The following CTNNA2 variants were observed in gnomAD, a reference collection of about 807,000 sequenced individuals.
The protein encoded by CTNNA2 is catenin alpha 2, also known as catenin alpha-2.
Under a neutral mutation model 101.0 loss-of-function variants are expected in CTNNA2, and 42 were observed. The ratio of observed to expected loss-of-function variants is 0.42; its 90% CI spans 0.32 to 0.54. CTNNA2 has a LOEUF of 0.54. Ranked by LOEUF, CTNNA2 falls within the 20% of genes least tolerant of loss-of-function variation. The pLI is 0.14. For synonymous variants in CTNNA2, 450 were observed against 456.4 expected, an observed-to-expected ratio of 0.99 and a Z score of 0.18; for missense variants, 871 against 1,223.1, an observed-to-expected ratio of 0.71 and a Z score of 4.29.
intron 1 of CTNNA2, among the ~76,000 whole-genome samples, chr2:79,540,828 A>G (rs1049827033): frequency 2.6e-5 from 4 of 152,166 alleles, no homozygotes; most frequent in Admixed American, 2.6e-4. Context: ...TTTATTTCTG[A>G]GTACTTTGAA....
At chr2:80,071,388 CTAAGTT>C (rs1292957427) in intron 7 of CTNNA2, among the ~76,000 whole-genome samples, 1 of 152,218 alleles carries the variant, frequency 6.6e-6, no homozygotes, top group Non-Finnish European at 1.5e-5. Flanking sequence ...GAAAGCTTCT[CTAAGTT>C]TTTACTTTGA....
chr2:80,442,278 T>G (rs1286607518), intron 9 of CTNNA2, among the ~76,000 whole-genome samples: 1 of 152,160 alleles, frequency 6.6e-6, no homozygotes, highest in Non-Finnish European at 1.5e-5. Context: ...CCCAGTTAAT[T>G]GATGTGTTCT....
At position 79,185,770 on chromosome 2, in the gene CTNNA2, G is replaced by T. The variant is rs369989529; in HGVS notation, c.-524+339G>T. Among the ~76,000 whole-genome samples, 16 of 152,010 alleles carry T rather than the reference G, an allele frequency of 1.1e-4. No individual in the cohort carries two copies. In the East Asian group the frequency reaches 1.7e-3, roughly 17 times the overall value. ...CACTGTTGTTCCCACCAAGAAAACT[G>T]GTCATTTGGGGATGTTAGATTGTGT... On this transcript the variant is annotated intron_variant, in intron 1 of 21. Coordinates refer to the CTNNA2 transcript ENST00000466387.
chr2:80,355,199 C>T (rs1192214659), intron 7 of CTNNA2, among the ~76,000 whole-genome samples: 1 of 152,148 alleles, frequency 6.6e-6, no homozygotes, highest in Admixed American at 6.6e-5. Flanking sequence ...ATATCACTGT[C>T]CAGCCTGGCA....
chr2:80,364,601 G>T (rs1674740247), intron 7 of CTNNA2, among the ~76,000 whole-genome samples: 1 of 137,794 alleles, frequency 7.3e-6, no homozygotes, highest in Non-Finnish European at 1.5e-5. Flanking sequence ...CTTGTCAGTG[G>T]CTCCTAATGA....
chr2:79,993,490 A>G (rs141094798), intron 7 of CTNNA2, among the ~76,000 whole-genome samples: 1 of 152,376 alleles, frequency 6.6e-6, no homozygotes, highest in African/African-American at 2.4e-5. Flanking sequence ...AGATCTCATC[A>G]AAGATGCAGT....
intron 1 of CTNNA2, among the ~76,000 whole-genome samples, chr2:79,584,148 G>C (rs1676320667): frequency 6.6e-6 from 1 of 151,942 alleles, no homozygotes; most frequent in Non-Finnish European, 1.5e-5. Context: ...TTATTTCATT[G>C]GGTGCTACAA....
intron 7 of CTNNA2, among the ~76,000 whole-genome samples, chr2:80,178,264 C>G (rs1705524934): frequency 6.6e-6 from 1 of 152,140 alleles, no homozygotes; most frequent in East Asian, 1.9e-4. Context: ...GCTGTACATT[C>G]CCCCACTTTA....
At chr2:79,240,132 T>C (rs1054093160) in intron 2 of CTNNA2, among the ~76,000 whole-genome samples, 2 of 151,862 alleles carry the variant, frequency 1.3e-5, no homozygotes, top group Non-Finnish European at 2.9e-5. Flanking sequence ...GGTCTCGAAC[T>C]CCCAGCCTCA....
Position 79,714,846 on chromosome 2 carries a change from T to C in CTNNA2, c.103-29541T>C, listed in dbSNP as rs1685968206. ...TAAATTATAAAGGATGTTAATCAACTAGCATGGCATGCATTCTTAGAAGGG... is the reference window on the plus strand; with the variant it reads ...TAAATTATAAAGGATGTTAATCAACCAGCATGGCATGCATTCTTAGAAGGG... On this transcript the variant is annotated intron_variant, in intron 2 of 18. Coordinates refer to ENST00000402739, the MANE Select transcript of CTNNA2 (RefSeq NM_001282597.3). 2.0e-5 allele frequency among the ~76,000 whole-genome samples: 3 copies of C among 152,026 alleles called. No homozygotes were observed. The South Asian group carries it at 6.2e-4, about 32-fold the overall frequency.
chr2:80,493,806 G>A (rs944818468), intron 9 of CTNNA2, among the ~76,000 whole-genome samples: 3 of 152,212 alleles, frequency 2.0e-5, no homozygotes, highest in Non-Finnish European at 4.4e-5. Flanking sequence ...AGAATAGGCT[G>A]ATGAACTTGT....
chr2:79,933,676 A>G (rs1378880214), intron 7 of CTNNA2, among the ~76,000 whole-genome samples: 16 of 152,112 alleles, frequency 1.1e-4, no homozygotes, highest in African/African-American at 3.6e-4. Context: ...GCTGGTCTCG[A>G]ACTCCTGACC....
chr2:79,860,416 C>T (rs1158462510), intron 4 of CTNNA2, among the ~76,000 whole-genome samples: 2 of 152,132 alleles, frequency 1.3e-5, no homozygotes, highest in Admixed American at 6.5e-5. Context: ...TGTGTGGTAC[C>T]AGTTGCCTCC....
chr2:79,230,847 A>G (rs1358475485), intron 2 of CTNNA2, among the ~76,000 whole-genome samples: 2 of 152,224 alleles, frequency 1.3e-5, no homozygotes, highest in African/African-American at 2.4e-5. Context: ...ATGGAGTCAA[A>G]TATCATTTTG....
At chr2:79,308,153 T>A (rs758598119) in intron 2 of CTNNA2, among the ~76,000 whole-genome samples, 11 of 152,322 alleles carry the variant, frequency 7.2e-5, no homozygotes, top group Non-Finnish European at 1.2e-4. Flanking sequence ...CAAGTGATTC[T>A]CCTGCCTCAG....
intron 4 of CTNNA2, among the ~76,000 whole-genome samples, chr2:79,438,489 A>G (rs1678742155): frequency 6.6e-6 from 1 of 152,126 alleles, no homozygotes; most frequent in Non-Finnish European, 1.5e-5. Flanking sequence ...TTTTAATGTC[A>G]TTAGTGGTCT....
In CTNNA2 at chr2:79,220,198, G is replaced by GTATA. The variant is rs1163789835; in HGVS notation, c.-406+22123_-406+22124insATAT. On this transcript the variant is annotated intron_variant, in intron 2 of 21. Transcript: ENST00000466387. The stretch of plus-strand genomic sequence containing the variant: ...TGTGTATATATATATGTGTGTGTGT[G>GTATA]TGTATATATATGTAAATGTATATTG... Among the ~76,000 whole-genome samples the GTATA allele has an allele frequency of 3.7e-3, 558 of 152,130 alleles. 2 individuals are homozygous for GTATA. The highest frequency in any genetic ancestry group is 0.013 in the African/African-American group (545 of 41,482).
At chr2:80,277,200 CT>C (rs1287786307) in intron 7 of CTNNA2, among the ~76,000 whole-genome samples, 1 of 152,068 alleles carries the variant, frequency 6.6e-6, no homozygotes, top group Non-Finnish European at 1.5e-5. Flanking sequence ...GGGTGAAAAG[CT>C]TTTCTGTATT....
chr2:79,901,845 ATTACT>A (rs1685088517), intron 6 of CTNNA2, among the ~76,000 whole-genome samples: 1 of 152,200 alleles, frequency 6.6e-6, no homozygotes, highest in Non-Finnish European at 1.5e-5. Flanking sequence ...AATTAAAAAC[ATTACT>A]TTATGCTCCA....
Sources: allele counts gnomAD v4.1 joint callset (sites outside exome capture counted in the v4.1 genomes callset), GRCh38; gene constraint gnomAD v4.1.1; transcripts MANE v1.5; gene names NCBI Gene and HGNC (gene_info 2026-07-23, HGNC 2026-07-21).